CLCN3: variants seen among roughly 807,000 people sequenced by gnomAD.
CLCN3 encodes the protein Cl-/H+ antiporter 3.
Under a neutral mutation model 83.4 loss-of-function variants are expected in CLCN3, and 16 were observed. That is an observed-to-expected ratio of 0.19 (90% CI 0.13 to 0.29). The LOEUF (loss-of-function observed/expected upper bound fraction) is 0.29. Ranked by LOEUF, CLCN3 falls within the 10% of genes least tolerant of loss-of-function variation. The probability of loss-of-function intolerance (pLI) is 1.00; values close to 1 mark genes in which losing one functional copy is unlikely to be tolerated. For synonymous variants in CLCN3, 322 were observed against 346.2 expected (o/e 0.93, Z 0.78); for missense variants, 544 against 1,006.0 (o/e 0.54, Z 6.21).
intron 2 of CLCN3, among the ~76,000 whole-genome samples, chr4:169,659,255 G>T (rs934816086): frequency 5.9e-5 from 9 of 152,128 alleles, no homozygotes; most frequent in African/African-American, 2.2e-4. Flanking sequence ...ATTGAACTCT[G>T]ATCTTCAATA....
intron 2 of CLCN3, among the ~76,000 whole-genome samples, chr4:169,653,080 G>C (rs1323343687): frequency 6.6e-6 from 1 of 152,118 alleles, no homozygotes; most frequent in African/African-American, 2.4e-5. Flanking sequence ...GTTGTAATGT[G>C]GTCCTATGTG....
intron 2 of CLCN3, among the ~76,000 whole-genome samples, chr4:169,648,042 C>T (rs939290506): frequency 1.3e-5 from 2 of 152,096 alleles, no homozygotes; most frequent in African/African-American, 2.4e-5. Flanking sequence ...TGACATTTTA[C>T]AGGATACCTG....
intron 2 of CLCN3, among the ~76,000 whole-genome samples, chr4:169,638,646 G>T (rs1730309866): frequency 2.0e-5 from 3 of 152,168 alleles, no homozygotes; most frequent in Non-Finnish European, 4.4e-5. Flanking sequence ...GAAGTAGAAA[G>T]ATATAGGAAG....
chr4:169,698,129 T>C (rs1230968185), intron 9 of CLCN3, among the ~76,000 whole-genome samples: 2 of 152,216 alleles, frequency 1.3e-5, no homozygotes, highest in African/African-American at 4.8e-5. Context: ...ACAGTAGCTA[T>C]ATATAGTTTT....
chr4:169,659,626 C>T (rs28364750), intron 2 of CLCN3, among the ~76,000 whole-genome samples: 14,986 of 152,150 alleles, frequency 0.098, 802 homozygotes, highest in African/African-American at 0.15. Flanking sequence ...AACAAGAAGC[C>T]GCTGGAGGAG....
chr4:169,684,665 G>A (rs750471916), intron 3 of CLCN3, among the ~76,000 whole-genome samples: 4 of 152,154 alleles, frequency 2.6e-5, no homozygotes, highest in Non-Finnish European at 5.9e-5. Flanking sequence ...TAGGCACTAG[G>A]TGATACTTGT....
intron 1 of CLCN3, among the ~76,000 whole-genome samples, chr4:169,628,239 G>T (rs973241042): frequency 2.0e-4 from 30 of 152,106 alleles, no homozygotes; most frequent in African/African-American, 7.2e-4. Flanking sequence ...TTTTGGGGAG[G>T]TAGGGTTAGG....
At chr4:169,719,502 T>C (rs1036809740) in intron 12 of CLCN3, among the ~76,000 whole-genome samples, 7 of 152,106 alleles carry the variant, frequency 4.6e-5, no homozygotes, top group Non-Finnish European at 1.0e-4. Context: ...AGAGAAAATA[T>C]TGAGAGGATT....
intron 3 of CLCN3, among the ~76,000 whole-genome samples, chr4:169,685,078 A>G (rs1732103346): frequency 6.6e-6 from 1 of 151,684 alleles, no homozygotes; most frequent in Non-Finnish European, 1.5e-5. Flanking sequence ...TTGCCTTCCA[A>G]AGTGCAGAGA....
intron 2 of CLCN3, among the ~76,000 whole-genome samples, chr4:169,653,700 A>G (rs1730803076): frequency 6.6e-6 from 1 of 151,574 alleles, no homozygotes; most frequent in Non-Finnish European, 1.5e-5. Context: ...TAGGAAGCAT[A>G]GTGCTGGCAT....
rs970010123 is a variant in CLCN3 at position 169,680,218 on chromosome 4, T to C, written c.318+11T>C. 4 of 1,595,292 alleles carry C rather than the reference T, an allele frequency of 2.5e-6. No individual in the cohort carries two copies. Among genetic ancestry groups the C allele is most frequent in the Admixed American group, 1.8e-5 (1 of 55,434 alleles). ...GAAAGGCATAGACGGGTAAGTGTTTTTAGTAAAAATTTTTAAAAACATAGT... is the reference window on the plus strand; with the variant it reads ...GAAAGGCATAGACGGGTAAGTGTTTCTAGTAAAAATTTTTAAAAACATAGT... On this transcript the variant is annotated intron_variant, in intron 3 of 12. Coordinates refer to ENST00000513761, the MANE Select transcript of CLCN3 (RefSeq NM_001829.4).
At chr4:169,680,570 A>C (rs1731897630) in intron 3 of CLCN3, 1 of 176,696 alleles carries the variant, frequency 5.7e-6, no homozygotes, top group African/African-American at 2.4e-5. Context: ...AAGGCAAAAA[A>C]GGAAACTCAT....
chr4:169,628,586 A>C (rs886369044), intron 1 of CLCN3, among the ~76,000 whole-genome samples: 1 of 152,348 alleles, frequency 6.6e-6, no homozygotes, highest in African/African-American at 2.4e-5. Flanking sequence ...GATGCAGATT[A>C]AAGCAACAAG....
intron 8 of CLCN3, among the ~76,000 whole-genome samples, chr4:169,696,441 T>A (rs924417926): frequency 6.6e-6 from 1 of 152,156 alleles, no homozygotes; most frequent in African/African-American, 2.4e-5. Context: ...AATAATTGTT[T>A]TTGTTTATGG....
At chr4:169,649,015 A>G (rs1730657673) in intron 2 of CLCN3, among the ~76,000 whole-genome samples, 1 of 121,792 alleles carries the variant, frequency 8.2e-6, no homozygotes, top group Admixed American at 9.9e-5. Context: ...TGATAAAGGG[A>G]GAATATCTAA....
chr4:169,632,882 GA>G (rs199780429), intron 1 of CLCN3, among the ~76,000 whole-genome samples: 4 of 150,650 alleles, frequency 2.7e-5, no homozygotes, highest in East Asian at 1.9e-4. Flanking sequence ...TTACTTTTTG[GA>G]AAAAAAAACT....
At chr4:169,632,609 C>T (rs963757028) in intron 1 of CLCN3, among the ~76,000 whole-genome samples, 2 of 146,052 alleles carry the variant, frequency 1.4e-5, no homozygotes, top group African/African-American at 5.0e-5. Context: ...CCCAGGTACT[C>T]GGGAGGCTGA....
At chr4:169,717,858 C>T (rs768049356) in intron 12 of CLCN3, 3 of 1,610,378 alleles carry the variant, frequency 1.9e-6, no homozygotes, top group East Asian at 2.2e-5. Context: ...AGCAGCACGT[C>T]GAACCCTTGG....
chr4:169,645,284 T>TTA (rs145755606), intron 2 of CLCN3, among the ~76,000 whole-genome samples: 3,257 of 152,198 alleles, frequency 0.021, 83 homozygotes, highest in South Asian at 0.078. Context: ...ATTAAAAACT[T>TTA]TAAGAGTGAA....
Sources: gnomAD v4.1 joint callset for allele counts (sites outside exome capture counted in the v4.1 genomes callset) on GRCh38, gnomAD v4.1.1 for gene constraint, MANE v1.5 for transcripts, NCBI Gene and HGNC (gene_info 2026-07-23, HGNC 2026-07-21) for gene names.